The following NRG1 variants were observed in gnomAD, a reference collection of about 807,000 sequenced individuals.
The protein encoded by NRG1 is neuregulin 1.
NRG1 carries 18 observed loss-of-function variants against 63.8 expected under a neutral mutation model. The ratio of observed to expected loss-of-function variants is 0.28; its 90% confidence interval spans 0.19 to 0.42. The LOEUF (loss-of-function observed/expected upper bound fraction) is 0.42, where lower values mean the gene tolerates loss of function less well. Among genes scored for constraint, NRG1 ranks in the 10% least tolerant of loss-of-function variants. The probability of loss-of-function intolerance (pLI) is 1.00; values close to 1 mark genes in which losing one functional copy is unlikely to be tolerated. For synonymous variants in NRG1, 302 were observed against 301.3 expected (o/e 1.00, Z -0.02); for missense variants, 762 against 814.7 (o/e 0.94, Z 0.79).
intron 1 of NRG1, among the ~76,000 whole-genome samples, chr8:31,809,267 C>T (rs1822594399): frequency 6.7e-6 from 1 of 148,974 alleles, no homozygotes; most frequent in South Asian, 2.1e-4. Flanking sequence ...ATCTTGTATA[C>T]CTCAGGGGAA....
At chr8:32,015,026 C>A (rs569763764) in intron 1 of NRG1, among the ~76,000 whole-genome samples, 3 of 152,030 alleles carry the variant, frequency 2.0e-5, no homozygotes, top group South Asian at 2.1e-4. Context: ...AGGAACGAAC[C>A]CTGCCAACAC....
At chr8:32,202,500 G>C (rs1409927678) in intron 1 of NRG1, among the ~76,000 whole-genome samples, 2 of 152,146 alleles carry the variant, frequency 1.3e-5, no homozygotes, top group Admixed American at 6.5e-5. Context: ...GTGTTAAACA[G>C]CTCAGTGAAA....
intron 1 of NRG1, among the ~76,000 whole-genome samples, chr8:32,477,220 A>C (rs1327102152): frequency 6.6e-6 from 1 of 152,202 alleles, no homozygotes; most frequent in Admixed American, 6.5e-5. Context: ...AAAGCCATCA[A>C]GGAGGCTCTC....
intron 1 of NRG1, among the ~76,000 whole-genome samples, chr8:32,385,411 C>A (rs1810887643): frequency 6.6e-6 from 1 of 152,136 alleles, no homozygotes; most frequent in African/African-American, 2.4e-5. Flanking sequence ...CATTCATTCT[C>A]ACACTGCCAT....
intron 1 of NRG1, among the ~76,000 whole-genome samples, chr8:31,875,557 G>A (rs1320606688): frequency 6.6e-6 from 1 of 152,200 alleles, no homozygotes; most frequent in Non-Finnish European, 1.5e-5. Flanking sequence ...CGGAGATCAT[G>A]CATCGAGGTG....
chr8:32,367,423 T>C (rs1328242615), intron 1 of NRG1, among the ~76,000 whole-genome samples: 1 of 152,060 alleles, frequency 6.6e-6, no homozygotes, highest in Non-Finnish European at 1.5e-5. Context: ...TTTTTTCAGA[T>C]ACCTGCTAGC....
At chr8:31,997,686 T>C (rs1812239154) in intron 1 of NRG1, among the ~76,000 whole-genome samples, 1 of 151,982 alleles carries the variant, frequency 6.6e-6, no homozygotes. Context: ...ATCATCACAC[T>C]GTCTCCTTCT....
intron 5 of NRG1, among the ~76,000 whole-genome samples, chr8:32,695,968 T>C (rs1813196465): frequency 6.6e-6 from 1 of 152,220 alleles, no homozygotes; most frequent in Admixed American, 6.5e-5. Context: ...GACTAGTCAA[T>C]GAAAGCGACC....
intron 1 of NRG1, among the ~76,000 whole-genome samples, chr8:31,760,449 A>G (rs1482827717): frequency 6.6e-6 from 1 of 152,210 alleles, no homozygotes; most frequent in Non-Finnish European, 1.5e-5. Flanking sequence ...AAATTGACAA[A>G]TGGGATCTAA....
At chr8:32,528,649 G>A (rs1831134536) in intron 1 of NRG1, among the ~76,000 whole-genome samples, 1 of 152,146 alleles carries the variant, frequency 6.6e-6, no homozygotes. Context: ...TAATAGAGGA[G>A]TGGTAAGATG....
At chr8:32,454,624 C>T (rs1398430002) in intron 1 of NRG1, among the ~76,000 whole-genome samples, 2 of 119,764 alleles carry the variant, frequency 1.7e-5, no homozygotes, top group African/African-American at 6.4e-5. Context: ...AATTTTTGGG[C>T]TCAAATGAAC....
intron 1 of NRG1, among the ~76,000 whole-genome samples, chr8:31,780,014 G>C (rs1819524794): frequency 6.6e-6 from 1 of 152,152 alleles, no homozygotes; most frequent in Non-Finnish European, 1.5e-5. Flanking sequence ...GACATAAGCA[G>C]ACACCTGAGG....
intron 1 of NRG1, among the ~76,000 whole-genome samples, chr8:31,994,095 A>C (rs1220046042): frequency 6.6e-6 from 1 of 152,040 alleles, no homozygotes; most frequent in African/African-American, 2.4e-5. Flanking sequence ...AGCACTTTGC[A>C]GCAACAAAGA....
At chr8:32,554,250 A>G (rs1281940405) in intron 1 of NRG1, among the ~76,000 whole-genome samples, 1 of 152,196 alleles carries the variant, frequency 6.6e-6, no homozygotes, top group Non-Finnish European at 1.5e-5. Context: ...TGAAGGAACT[A>G]ATGATATTTT....
intron 1 of NRG1, among the ~76,000 whole-genome samples, chr8:31,885,536 C>T (rs1291097454): frequency 1.3e-5 from 2 of 152,090 alleles, no homozygotes; most frequent in African/African-American, 4.8e-5. Flanking sequence ...AAAATGTCCA[C>T]AATTCTTTAT....
At chr8:32,513,822 G>C (rs2129502568) in intron 1 of NRG1, among the ~76,000 whole-genome samples, 1 of 152,182 alleles carries the variant, frequency 6.6e-6, no homozygotes, top group African/African-American at 2.4e-5. Context: ...TTATGTTTAG[G>C]TAGAATAGGG....
At chr8:32,224,769 G>A (rs1846159174) in intron 1 of NRG1, among the ~76,000 whole-genome samples, 1 of 152,190 alleles carries the variant, frequency 6.6e-6, no homozygotes, top group African/African-American at 2.4e-5. Context: ...GGGTCAGAAG[G>A]TGTGGATTTT....
intron 1 of NRG1, among the ~76,000 whole-genome samples, chr8:31,935,817 T>C (rs1376938746): frequency 6.6e-6 from 1 of 152,188 alleles, no homozygotes; most frequent in Admixed American, 6.5e-5. Flanking sequence ...CTCTAGATGT[T>C]TTTCTCCTAT....
chr8:32,566,714 C>G (rs566420178), intron 1 of NRG1, among the ~76,000 whole-genome samples: 1 of 152,302 alleles, frequency 6.6e-6, no homozygotes, highest in East Asian at 1.9e-4. Context: ...TTGTGAGAAA[C>G]TTACCTTCCA....
Sources: gnomAD v4.1 joint callset for allele counts (sites outside exome capture counted in the v4.1 genomes callset) on GRCh38, gnomAD v4.1.1 for gene constraint, MANE v1.5 for transcripts, NCBI Gene and HGNC (gene_info 2026-07-23, HGNC 2026-07-21) for gene names.